LRRC47: variants seen among roughly 807,000 people sequenced by gnomAD.
The protein encoded by LRRC47 is leucine-rich repeat-containing protein 47.
In LRRC47, 31 loss-of-function variants were observed where a neutral mutation model predicts 40.9. The observed-to-expected ratio is 0.76, with a 90% CI of 0.57 to 1.02. The LOEUF (loss-of-function observed/expected upper bound fraction) is 1.02, where lower values mean the gene tolerates loss of function less well. LRRC47 is among the 50% of genes least tolerant of loss of function. The pLI is 0.00. For synonymous variants in LRRC47, 427 were observed against 371.9 expected, an observed-to-expected ratio of 1.15 and a Z score of -1.70; for missense variants, 726 against 796.1, an observed-to-expected ratio of 0.91 and a Z score of 1.06.
In LRRC47 at chr1:3,795,849, A is replaced by T; in HGVS notation, c.615+13T>A. The T allele has an allele frequency of 6.4e-7, 1 of 1,558,578 alleles. No individual in the cohort carries two copies. The highest frequency in any genetic ancestry group is 1.4e-5 in the African/African-American group (1 of 71,622). ...AGGCCCCATCCCGCCCCGCCCGGGC[A>T]GCCCCCGCTGACCTTGAGCGAGGCC... On this transcript the variant is annotated intron_variant, in intron 1 of 6. Coordinates refer to ENST00000378251, the MANE Select transcript of LRRC47 (RefSeq NM_020710.3).
chr1:3,791,421 C>T (rs924069992), intron 1 of LRRC47, among the ~76,000 whole-genome samples: 10 of 152,210 alleles, frequency 6.6e-5, no homozygotes, highest in Non-Finnish European at 1.5e-4. Context: ...GGCTGGAGCC[C>T]GTGCCTTCTG....
In LRRC47 at chr1:3,780,986, C is replaced by A. The variant is rs1036602741; in HGVS notation, c.*102G>T. 32 of 1,481,640 alleles carry A rather than the reference C, an allele frequency of 2.2e-5. No individual in the cohort carries two copies. Among genetic ancestry groups the A allele is most frequent in the Middle Eastern group, 5.1e-4 (2 of 3,922 alleles). 91.8% of individuals were successfully genotyped at this position (1,481,640 alleles called of 1,614,324 possible). A position where few individuals can be genotyped will look rare whatever the true frequency, so the allele number is the denominator to read the frequency against. On this transcript the variant is annotated 3_prime_UTR_variant, in exon 7 of 7. Transcript: ENST00000378251. Reference sequence around the variant, plus strand: ...CGAGACTCCATCTCAAAAAAAAAAACCAACAAAAAAACTGGGGTGAAAATC... The same window carrying A: ...CGAGACTCCATCTCAAAAAAAAAAAACAACAAAAAAACTGGGGTGAAAATC...
At position 3,796,155 on chromosome 1, in the gene LRRC47, CCGA is replaced by C; in HGVS notation, c.319_321del (p.Ser107del). 6.9e-7 allele frequency: 1 copy of C among 1,439,868 alleles called. No homozygotes were observed. Among genetic ancestry groups the C allele is most frequent in the Non-Finnish European group, 9.1e-7 (1 of 1,103,556 alleles). The allele number at this position is 1,439,868 out of a possible 1,614,324, so 89.2% of individuals were successfully genotyped here. A position where few individuals can be genotyped will look rare whatever the true frequency, so the allele number is the denominator to read the frequency against. On this transcript the variant is annotated inframe_deletion, in exon 1 of 7. Coordinates refer to ENST00000378251, the MANE Select transcript of LRRC47 (RefSeq NM_020710.3). ...GGCGGCAGCGCCTCCAGCGCGTTGC[CCGA>C]CAGGTCGAGCACCCGAAGGGCAGGC...
chr1:3,789,231 G>A (rs2124612896), intron 1 of LRRC47, among the ~76,000 whole-genome samples: 1 of 152,380 alleles, frequency 6.6e-6, no homozygotes, highest in South Asian at 2.1e-4. Flanking sequence ...CCTGGCTCCA[G>A]CGTTAGAACC....
At position 3,795,943 on chromosome 1, in the gene LRRC47, C is replaced by A; in HGVS notation, c.534G>T (p.Leu178=). 1.9e-6 allele frequency: 3 copies of A among 1,600,284 alleles called. No individual in the cohort carries two copies. The South Asian group carries it at 3.4e-5, about 18-fold the overall frequency. ...CAGCCGCCAGTTCACTGAGCAGGGG[C>A]AGCGCGCCGGGGCGAAAGAGCTCGG... The part of the protein sequence containing the change: ...FPAELFRPGA[L]PLLSELAAAD... Residue 178 remains leucine, a synonymous_variant, in exon 1 of 7, where the codon CTG becomes CTT. Coordinates refer to ENST00000378251, the MANE Select transcript of LRRC47 (RefSeq NM_020710.3).
chr1:3,787,148 C>T lies in LRRC47; in HGVS notation c.778G>A (p.Val260Ile), dbSNP rs546620108. Reference sequence around the variant, plus strand: ...CCCTTCCCGCCACCACGGCCTCCGACGCGCAGGTACTCCAGGATGGATCTG... The same window carrying T: ...CCCTTCCCGCCACCACGGCCTCCGATGCGCAGGTACTCCAGGATGGATCTG... ...QTRSILEYLR[V>I]GGRGGGKGKG... Residue 260 changes from valine (V) to isoleucine (I), a missense_variant, in exon 2 of 7, where the codon GTC becomes ATC. Val to Ile is a conservative substitution (Grantham distance 29). Transcript: ENST00000378251. The T allele has an allele frequency of 2.5e-5, 41 of 1,613,854 alleles. No homozygotes were observed. Among genetic ancestry groups the T allele is most frequent in the East Asian group, 2.0e-4 (9 of 44,876 alleles).
intron 1 of LRRC47, among the ~76,000 whole-genome samples, chr1:3,787,899 T>C (rs1261632398): frequency 1.3e-5 from 2 of 152,094 alleles, no homozygotes; most frequent in Non-Finnish European, 2.9e-5. Context: ...TCAACGGCGA[T>C]GGGTTCTCAG....
In LRRC47 at chr1:3,780,211, A is replaced by G. The variant is rs1315216211; in HGVS notation, c.*877T>C. Reference sequence around the variant, plus strand: ...TGCTGTGTGATCACAGAGTCTTTACACAAGCCTCGATGGTGCATGTAGTTT... The same window carrying G: ...TGCTGTGTGATCACAGAGTCTTTACGCAAGCCTCGATGGTGCATGTAGTTT... On this transcript the variant is annotated 3_prime_UTR_variant, in exon 7 of 7. Transcript: ENST00000378251. 1 of 152,190 alleles carries G rather than the reference A, an allele frequency of 6.6e-6. No individual in the cohort carries two copies. The highest frequency in any genetic ancestry group is 1.5e-5 in the Non-Finnish European group (1 of 68,028). 9.4% of individuals were successfully genotyped at this position (152,190 alleles called of 1,614,324 possible).
At chr1:3,789,110 C>A (rs1643603956) in intron 1 of LRRC47, among the ~76,000 whole-genome samples, 1 of 152,260 alleles carries the variant, frequency 6.6e-6, no homozygotes, top group Non-Finnish European at 1.5e-5. Flanking sequence ...ATCCAGGTGG[C>A]CTCACAAAGT....
At chr1:3,793,447 A>G (rs1377195111) in intron 1 of LRRC47, among the ~76,000 whole-genome samples, 1 of 152,188 alleles carries the variant, frequency 6.6e-6, no homozygotes, top group Non-Finnish European at 1.5e-5. Flanking sequence ...TTTGGGAGAC[A>G]TTTGTAATTT....
intron 1 of LRRC47, 40 bp downstream of exon 1, chr1:3,795,822 C>T: frequency 6.6e-7 from 1 of 1,516,638 alleles, no homozygotes. Flanking sequence ...AGGGCTACTC[C>T]AAGGCCCCAT....
At chr1:3,793,519 G>A (rs1367140230) in intron 1 of LRRC47, among the ~76,000 whole-genome samples, 1 of 152,180 alleles carries the variant, frequency 6.6e-6, no homozygotes, top group Non-Finnish European at 1.5e-5. Context: ...GGGTCCACGA[G>A]GATAGGAGGA....
chr1:3,787,115 G>A lies in LRRC47; in HGVS notation c.811C>T (p.Arg271Cys), dbSNP rs199825128. The change falls in exon 2 of 7, where the codon CGT (arginine) becomes TGT (cysteine). Residue 271 changes from arginine to cysteine, a missense_variant. Arg to Cys is a radical substitution (Grantham distance 180). Coordinates refer to ENST00000378251, the MANE Select transcript of LRRC47 (RefSeq NM_020710.3). ...GGRGGGKGKGRAEGSEKEESR... is the reference protein window; with the variant it reads ...GGRGGGKGKGCAEGSEKEESR... ...TCTTCCTTCTCCGAGCCCTCGGCACGGCCCTTGCCCTTCCCGCCACCACGG... is the reference window on the plus strand; with the variant it reads ...TCTTCCTTCTCCGAGCCCTCGGCACAGCCCTTGCCCTTCCCGCCACCACGG... 7.1e-5 allele frequency: 115 copies of A among 1,613,636 alleles called. No individual in the cohort carries two copies. The highest frequency in any genetic ancestry group is 8.6e-5 in the Non-Finnish European group (101 of 1,179,976).
At chr1:3,782,870 G>C in intron 4 of LRRC47, 107 bp from the exon 5 acceptor site, 2 of 726,574 alleles carry the variant, frequency 2.8e-6, no homozygotes, top group South Asian at 1.5e-5. Flanking sequence ...TGAGACAGGA[G>C]GGCTGCATGG....
At chr1:3,789,131 G>C (rs1012689883) in intron 1 of LRRC47, among the ~76,000 whole-genome samples, 10 of 152,276 alleles carry the variant, frequency 6.6e-5, no homozygotes, top group African/African-American at 2.2e-4. Flanking sequence ...ACCAGGAGCC[G>C]TATCACCAAT....
rs1311027070 is a variant in LRRC47, at chr1:3,796,159, C to G, written c.318G>C (p.Leu106=). The G allele has an allele frequency of 2.8e-6, 4 of 1,440,014 alleles. No individual in the cohort carries two copies. Among genetic ancestry groups the G allele is most frequent in the Admixed American group, 2.8e-5 (1 of 35,572 alleles). 89.2% of individuals were successfully genotyped at this position (1,440,014 alleles called of 1,614,324 possible). A position where few individuals can be genotyped will look rare whatever the true frequency, so the allele number is the denominator to read the frequency against. Residue 106 remains leucine, a synonymous_variant, in exon 1 of 7, where the codon CTG becomes CTC. Transcript: ENST00000378251. Reference sequence around the variant, plus strand: ...GCAGCGCCTCCAGCGCGTTGCCCGACAGGTCGAGCACCCGAAGGGCAGGCA... The same window carrying G: ...GCAGCGCCTCCAGCGCGTTGCCCGAGAGGTCGAGCACCCGAAGGGCAGGCA... ...GPLPALRVLD[L]SGNALEALPP...
Position 3,784,082 on chromosome 1 carries a change from C to CT in LRRC47, c.1223dup (p.Ala409GlyfsTer38). 2.5e-6 allele frequency: 4 copies of CT among 1,612,902 alleles called. No individual in the cohort carries two copies. Among genetic ancestry groups the CT allele is most frequent in the Non-Finnish European group, 1.7e-6 (2 of 1,179,524 alleles). On this transcript the variant is annotated frameshift_variant, in exon 4 of 7. Transcript: ENST00000378251. LOFTEE classifies it high-confidence loss of function. Reference sequence around the variant, plus strand: ...GCAGCTGCCGCACCAGCTCCTTGGCCTTGGCTTCTTTCCGCCCCAAGGGGA... The same window carrying CT: ...GCAGCTGCCGCACCAGCTCCTTGGCCTTTGGCTTCTTTCCGCCCCAAGGGGA...
intron 5 of LRRC47, 129 bp downstream of exon 5, chr1:3,782,532 G>C: frequency 1.5e-6 from 1 of 661,358 alleles, no homozygotes. Context: ...GACCTCAGGT[G>C]ATCCGCCCAC....
In LRRC47 at chr1:3,796,472, G is replaced by A. The variant is rs1296086262; in HGVS notation, c.5C>T (p.Ala2Val). M[A>V]AAAVSESWPE... Reference sequence around the variant, plus strand: ...CCAAGACTCTGACACCGCTGCCGCCGCCATGGCGCCTCAGCTGCTGGCAGG... The same window carrying A: ...CCAAGACTCTGACACCGCTGCCGCCACCATGGCGCCTCAGCTGCTGGCAGG... The change falls in exon 1 of 7, where the codon GCG (alanine) becomes GTG (valine). Residue 2 changes from alanine to valine, a missense_variant. Coordinates refer to ENST00000378251, the MANE Select transcript of LRRC47 (RefSeq NM_020710.3). 5 of 1,506,434 alleles carry A rather than the reference G, an allele frequency of 3.3e-6. No individual in the cohort carries two copies. The highest frequency in any genetic ancestry group is 2.1e-5 in the Admixed American group (1 of 48,360). The allele number at this position is 1,506,434 out of a possible 1,614,324, so 93.3% of individuals were successfully genotyped here. A position where few individuals can be genotyped will look rare whatever the true frequency, so the allele number is the denominator to read the frequency against.
Sources: allele counts gnomAD v4.1 joint callset (sites outside exome capture counted in the v4.1 genomes callset), GRCh38; gene constraint gnomAD v4.1.1; transcripts MANE v1.5; gene names NCBI Gene and HGNC (gene_info 2026-07-23, HGNC 2026-07-21).